ATP2B2: variants seen among roughly 807,000 people sequenced by gnomAD.
ATP2B2 encodes the protein ATPase plasma membrane Ca2+ transporting 2, also known as plasma membrane calcium-transporting ATPase 2.
ATP2B2 carries 15 observed loss-of-function variants against 120.0 expected under a neutral mutation model. That is an observed-to-expected ratio of 0.12 (90% CI 0.08 to 0.19). The LOEUF (loss-of-function observed/expected upper bound fraction) is 0.19. ATP2B2 is among the 10% of genes least tolerant of loss of function. The pLI is 1.00. For missense variants in ATP2B2, 1,045 were observed against 1,719.8 expected (o/e 0.61, Z 6.94); for synonymous variants, 694 against 700.3 (o/e 0.99, Z 0.14).
intron 2 of ATP2B2, among the ~76,000 whole-genome samples, chr3:10,444,341 A>C (rs967030680): frequency 6.6e-6 from 1 of 152,216 alleles, no homozygotes; most frequent in African/African-American, 2.4e-5. Flanking sequence ...ATGTGGCAAC[A>C]ACACACGGAA....
chr3:10,654,153 T>A (rs114131436), intron 1 of ATP2B2, among the ~76,000 whole-genome samples: 1 of 152,052 alleles, frequency 6.6e-6, no homozygotes, highest in African/African-American at 2.4e-5. Flanking sequence ...AAGTGGAACA[T>A]AGAGAGGATA....
At chr3:10,587,075 C>G (rs2068527627) in intron 2 of ATP2B2, among the ~76,000 whole-genome samples, 1 of 152,162 alleles carries the variant, frequency 6.6e-6, no homozygotes, top group Non-Finnish European at 1.5e-5. Flanking sequence ...AGGTAGGTTG[C>G]TTGAGTCCAG....
At position 10,375,396 on chromosome 3, in the gene ATP2B2, T is replaced by A. The variant is rs372473966; in HGVS notation, c.1416+34A>T. The stretch of plus-strand genomic sequence containing the variant: ...CCCCAGGCCCTCAGCTGCAGCTGCA[T>A]CAGCCGGCTGGTCCTGCTCTCCTCC... On this transcript the variant is annotated intron_variant, in intron 11 of 22. Transcript: ENST00000360273. The surrounding 1 kb of genome is among the most constrained non-coding windows in gnomAD (Gnocchi z 4.2). 7 of 1,569,840 alleles carry A rather than the reference T, an allele frequency of 4.5e-6. No homozygotes were observed. The highest frequency in any genetic ancestry group is 5.2e-6 in the Non-Finnish European group (6 of 1,145,110).
At chr3:10,362,658 C>A (rs544386456) in intron 12 of ATP2B2, among the ~76,000 whole-genome samples, 1 of 152,268 alleles carries the variant, frequency 6.6e-6, no homozygotes, top group East Asian at 1.9e-4. Flanking sequence ...GCTCAGAGCA[C>A]CTCCCCGGCT....
At chr3:10,410,479 A>C in intron 3 of ATP2B2, 139 bp downstream of exon 3, 3 of 1,093,024 alleles carry the variant, frequency 2.7e-6, no homozygotes, top group African/African-American at 1.6e-5. Flanking sequence ...TGTGTTGGCT[A>C]TGGGTGGGGC....
intron 1 of ATP2B2, among the ~76,000 whole-genome samples, chr3:10,470,070 A>G (rs2064919079): frequency 6.6e-6 from 1 of 152,038 alleles, no homozygotes; most frequent in Non-Finnish European, 1.5e-5. Flanking sequence ...TCCTGTGGTC[A>G]TTTTGCAGAT....
chr3:10,610,306 A>G (rs1240529668), intron 2 of ATP2B2, among the ~76,000 whole-genome samples: 2 of 151,926 alleles, frequency 1.3e-5, no homozygotes, highest in African/African-American at 4.8e-5. Context: ...GGGTTGGAAG[A>G]AAGTGCAGCT....
chr3:10,543,547 ATCT>A (rs1020541182), intron 2 of ATP2B2, among the ~76,000 whole-genome samples: 22 of 152,326 alleles, frequency 1.4e-4, no homozygotes, highest in African/African-American at 5.3e-4. Context: ...AATAACTTTA[ATCT>A]TCTAATTGTT....
chr3:10,359,078 T>C (rs1248111708), intron 13 of ATP2B2, among the ~76,000 whole-genome samples, 153 bp from the exon 14 acceptor site: 1 of 152,134 alleles, frequency 6.6e-6, no homozygotes, highest in Non-Finnish European at 1.5e-5. Context: ...AAATCAAGCA[T>C]TCGTCCTGCA....
intron 5 of ATP2B2, 74 bp downstream of exon 5, chr3:10,400,879 C>T: frequency 6.2e-7 from 1 of 1,601,862 alleles, no homozygotes; most frequent in Non-Finnish European, 8.5e-7. Context: ...GTCCCTTCAG[C>T]CTCATGAAGG....
intron 1 of ATP2B2, among the ~76,000 whole-genome samples, chr3:10,503,249 G>A (rs2066466125): frequency 6.6e-6 from 1 of 152,208 alleles, no homozygotes; most frequent in African/African-American, 2.4e-5. Context: ...AGCTCTCAGA[G>A]ACCCCATAGC....
At chr3:10,336,339 A>G (rs1227743176) in intron 22 of ATP2B2, 1 of 1,540,616 alleles carries the variant, frequency 6.5e-7, no homozygotes, top group Non-Finnish European at 8.8e-7. Context: ...TGCGAGAAGA[A>G]CGAGCACAAC....
intron 1 of ATP2B2, among the ~76,000 whole-genome samples, chr3:10,501,046 T>G (rs1288318514): frequency 6.6e-6 from 1 of 152,180 alleles, no homozygotes; most frequent in Non-Finnish European, 1.5e-5. Flanking sequence ...CCAGCTCTCC[T>G]GACCCTCAGA....
chr3:10,342,728 GGC>G lies in ATP2B2; in HGVS notation c.2917+22_2917+23del. ...GAAGGTGATGACCCCGCCTGGGAGA[GGC>G]GTGGGTGGGCGAGGCGCTCACCAAC... On this transcript the variant is annotated intron_variant, in intron 19 of 22. Transcript: ENST00000360273. This position sits in a 1 kb window ranked among gnomAD's most constrained non-coding sequence, Gnocchi z 4.4. 3 of 1,612,756 alleles carry G rather than the reference GGC, an allele frequency of 1.9e-6. No individual in the cohort carries two copies. The highest frequency in any genetic ancestry group is 2.5e-6 in the Non-Finnish European group (3 of 1,179,006).
chr3:10,352,348 G>T (rs557917937), intron 14 of ATP2B2, among the ~76,000 whole-genome samples: 2 of 152,376 alleles, frequency 1.3e-5, no homozygotes, highest in East Asian at 3.9e-4. Context: ...CTGTGGGGCT[G>T]CTCTCTTTCA....
At chr3:10,625,765 C>T (rs888572670) in intron 1 of ATP2B2, among the ~76,000 whole-genome samples, 3 of 152,150 alleles carry the variant, frequency 2.0e-5, no homozygotes, top group African/African-American at 7.2e-5. Flanking sequence ...GGATGGGAGG[C>T]ACACTCTGGG....
intron 2 of ATP2B2, among the ~76,000 whole-genome samples, chr3:10,553,080 T>C (rs558609935): frequency 1.3e-5 from 2 of 152,316 alleles, no homozygotes; most frequent in Non-Finnish European, 2.9e-5. Flanking sequence ...CACCTTCAGA[T>C]GATGTCAGGG....
At chr3:10,509,070 C>T (rs1267464424), upstream of ATP2B2, among the ~76,000 whole-genome samples, 2 of 152,148 alleles carry the variant, frequency 1.3e-5, no homozygotes, top group African/African-American at 4.8e-5. Flanking sequence ...TGAATAGGGT[C>T]AGTCTGTCTA....
chr3:10,640,160 G>C (rs1355397222), intron 1 of ATP2B2, among the ~76,000 whole-genome samples: 8 of 152,194 alleles, frequency 5.3e-5, no homozygotes, highest in Non-Finnish European at 2.9e-5. Context: ...TGAGGTCTGA[G>C]AGGCTGAGCT....
Sources: allele counts gnomAD v4.1 joint callset (sites outside exome capture counted in the v4.1 genomes callset), GRCh38; gene constraint gnomAD v4.1.1; non-coding constraint Gnocchi (gnomAD v3.1); transcripts MANE v1.5; gene names NCBI Gene and HGNC (gene_info 2026-07-23, HGNC 2026-07-21).